The following DPEP1 variants were observed in gnomAD, a reference collection of about 807,000 sequenced individuals.
The protein encoded by DPEP1 is beta-lactamase.
Under a neutral mutation model 42.3 loss-of-function variants are expected in DPEP1, and 50 were observed. The observed-to-expected ratio is 1.18, with a 90% CI of 0.94 to 1.50. The LOEUF (loss-of-function observed/expected upper bound fraction) is 1.50, where lower values mean the gene tolerates loss of function less well. Among genes scored for constraint, DPEP1 ranks in the 40% most tolerant of loss-of-function variants. DPEP1 has a pLI of 0.00. For missense variants in DPEP1, 663 were observed against 553.0 expected (o/e 1.20, Z -1.99); for synonymous variants, 297 against 234.0 (o/e 1.27, Z -2.46).
In DPEP1 at chr16:89,638,094, C is replaced by T. The variant is rs769942934; in HGVS notation, c.1108C>T (p.Leu370=). The T allele has an allele frequency of 6.2e-7, 1 of 1,612,346 alleles. No homozygotes were observed. The highest frequency in any genetic ancestry group is 8.5e-7 in the Non-Finnish European group (1 of 1,179,836). Residue 370 remains leucine (L), a synonymous_variant, in exon 11 of 11, where the codon CTG becomes TTG. Coordinates refer to ENST00000690203, the MANE Select transcript of DPEP1 (RefSeq NM_001389466.1). The part of the protein sequence containing the change: ...TQAPEEEPIP[L]DQLGGSCRTH... ...GGCTCCCGAGGAGGAGCCCATCCCG[C>T]TGGACCAGCTGGGTGGCTCCTGCAG...
chr16:89,634,561 T>C (rs796269726), intron 2 of DPEP1, among the ~76,000 whole-genome samples: 4 of 12,182 alleles, frequency 3.3e-4, no homozygotes, highest in East Asian at 1.8e-3. Flanking sequence ...CCTTCTCCTT[T>C]CCCTTCCTTC....
intron 1 of DPEP1, among the ~76,000 whole-genome samples, chr16:89,625,003 GGCTGTAC>G (rs986443126): frequency 1.1e-3 from 175 of 152,280 alleles, no homozygotes; most frequent in African/African-American, 4.1e-3. Flanking sequence ...TGGTGGTGGG[GGCTGTAC>G]GAGAGCAGCC....
downstream of DPEP1, chr16:89,640,462 A>G (rs2151507850): frequency 5.9e-6 from 4 of 675,266 alleles, no homozygotes; most frequent in South Asian, 2.7e-4. Context: ...GTCGAGGAGC[A>G]GGGGGCTCCG....
At chr16:89,615,878 C>T (rs2059375573) in intron 1 of DPEP1, among the ~76,000 whole-genome samples, 1 of 152,140 alleles carries the variant, frequency 6.6e-6, no homozygotes, top group Non-Finnish European at 1.5e-5. Flanking sequence ...CAAGGCCCGC[C>T]CTGGCCTCTG....
At chr16:89,614,189 TC>T (rs2059359003) in intron 1 of DPEP1, among the ~76,000 whole-genome samples, 1 of 152,000 alleles carries the variant, frequency 6.6e-6, no homozygotes. Context: ...CCACTGGCCC[TC>T]CCCGTGGTCC....
chr16:89,638,033 C>T lies in DPEP1; in HGVS notation c.1066-19C>T, dbSNP rs201812079. ...CCACCAGCAGGCAGGCTGCCCCACC[C>T]GTGTCTGTCTGTCCCCAGGCCAGCA... On this transcript the variant is annotated intron_variant, in intron 10 of 10. Transcript: ENST00000690203. The T allele has an allele frequency of 6.5e-5, 105 of 1,611,062 alleles. 1 individual carries two copies. Among genetic ancestry groups the T allele is most frequent in the Non-Finnish European group, 8.1e-5 (95 of 1,179,338 alleles).
intron 1 of DPEP1, among the ~76,000 whole-genome samples, chr16:89,629,351 A>AATTAGCC (rs2059555326): frequency 6.6e-6 from 1 of 152,004 alleles, no homozygotes; most frequent in Non-Finnish European, 1.5e-5. Context: ...AAAATACAAA[A>AATTAGCC]ATTAGCCAGA....
intron 1 of DPEP1, among the ~76,000 whole-genome samples, chr16:89,630,070 A>C (rs2151490892): frequency 6.6e-6 from 1 of 152,256 alleles, no homozygotes; most frequent in African/African-American, 2.4e-5. Context: ...GCCTGCTCTC[A>C]GCCTGCTGTC....
At chr16:89,628,002 A>G (rs1479034880) in intron 1 of DPEP1, among the ~76,000 whole-genome samples, 5 of 151,994 alleles carry the variant, frequency 3.3e-5, no homozygotes, top group Admixed American at 2.6e-4. Context: ...GGCTCACTGC[A>G]AGCTCTGCCT....
At chr16:89,620,237 G>A (rs1182426594) in intron 1 of DPEP1, among the ~76,000 whole-genome samples, 1 of 152,116 alleles carries the variant, frequency 6.6e-6, no homozygotes, top group Admixed American at 6.5e-5. Flanking sequence ...CCGGGGCCAG[G>A]GTCAGTGTCC....
intron 2 of DPEP1, among the ~76,000 whole-genome samples, chr16:89,634,392 A>G (rs1277957912): frequency 2.0e-5 from 3 of 151,556 alleles, no homozygotes; most frequent in African/African-American, 7.3e-5. Context: ...TGGCCTGAGA[A>G]TTGCATTCCT....
rs1046559683 is a variant in DPEP1 at position 89,618,866 on chromosome 16, C to T, written c.-107+5147C>T. Among the ~76,000 whole-genome samples, 6 of 152,006 alleles carry T rather than the reference C, an allele frequency of 3.9e-5. No individual in the cohort carries two copies. In the South Asian group the frequency reaches 6.2e-4, roughly 16 times the overall value. On this transcript the variant is annotated intron_variant, in intron 1 of 10. Transcript: ENST00000690203. Reference sequence around the variant, plus strand: ...CTGGTTTTATTTTGCTCTTTACGTACGCACATCCCACCAGCACCCTCTACC... The same window carrying T: ...CTGGTTTTATTTTGCTCTTTACGTATGCACATCCCACCAGCACCCTCTACC...
intron 1 of DPEP1, among the ~76,000 whole-genome samples, chr16:89,615,885 T>C (rs986347374): frequency 1.3e-5 from 2 of 152,096 alleles, no homozygotes; most frequent in Non-Finnish European, 2.9e-5. Flanking sequence ...CGCCCTGGCC[T>C]CTGAGTGTCC....
intron 2 of DPEP1, among the ~76,000 whole-genome samples, chr16:89,631,666 G>A (rs1461303737): frequency 6.6e-6 from 1 of 152,152 alleles, no homozygotes; most frequent in Non-Finnish European, 1.5e-5. Context: ...GACCAGCCTG[G>A]CCAACATGGC....
At chr16:89,621,313 G>T (rs2059444258) in intron 1 of DPEP1, among the ~76,000 whole-genome samples, 1 of 151,890 alleles carries the variant, frequency 6.6e-6, no homozygotes, top group Admixed American at 6.6e-5. Context: ...CCTGGGCAGG[G>T]TGAGGAGGGA....
chr16:89,620,019 T>A (rs1240451918), intron 1 of DPEP1, among the ~76,000 whole-genome samples: 19 of 140,050 alleles, frequency 1.4e-4, no homozygotes, highest in Admixed American at 2.8e-4. Context: ...ACCCACTGAG[T>A]ATGCCCCCCT....
At chr16:89,614,923 C>T (rs138002535) in intron 1 of DPEP1, among the ~76,000 whole-genome samples, 2,124 of 152,242 alleles carry the variant, frequency 0.014, 33 homozygotes, top group Non-Finnish European at 0.02. Context: ...GCTGGGCTAG[C>T]GAAGGGCAGA....
intron 2 of DPEP1, among the ~76,000 whole-genome samples, chr16:89,633,526 A>G (rs530029423): frequency 1.1e-4 from 16 of 152,328 alleles, no homozygotes; most frequent in Non-Finnish European, 2.2e-4. Flanking sequence ...TTGCGGGCAC[A>G]TAGATTTGAG....
chr16:89,617,700 T>TGC (rs2059394133), intron 1 of DPEP1, among the ~76,000 whole-genome samples: 1 of 10,866 alleles, frequency 9.2e-5, no homozygotes. Context: ...CTTTGGGAGG[T>TGC]TGGGCACGGT....
Sources: gnomAD v4.1 joint callset for allele counts (sites outside exome capture counted in the v4.1 genomes callset) on GRCh38, gnomAD v4.1.1 for gene constraint, MANE v1.5 for transcripts, NCBI Gene and HGNC (gene_info 2026-07-23, HGNC 2026-07-21) for gene names.